LCP2: variants seen among roughly 807,000 people sequenced by gnomAD.
LCP2 encodes the protein lymphocyte cytosolic protein 2.
Under a neutral mutation model 74.5 loss-of-function variants are expected in LCP2, and 29 were observed. That is an observed-to-expected ratio of 0.39 (90% confidence interval 0.29 to 0.53). The LOEUF is 0.53. Ranked by LOEUF, LCP2 falls within the 20% of genes least tolerant of loss-of-function variation. The pLI is 0.72. For missense variants in LCP2, 604 were observed against 634.6 expected, an observed-to-expected ratio of 0.95 and a Z score of 0.52; for synonymous variants, 228 against 229.5, an observed-to-expected ratio of 0.99 and a Z score of 0.06.
chr5:170,281,341 A>G (rs537599887), intron 3 of LCP2, among the ~76,000 whole-genome samples: 31 of 151,846 alleles, frequency 2.0e-4, no homozygotes, highest in African/African-American at 2.4e-4. Context: ...GTGCAGTGCC[A>G]CGATCTTGGC....
chr5:170,271,010 C>G, intron 6 of LCP2, 93 bp from the exon 7 acceptor site: 1 of 1,143,330 alleles, frequency 8.7e-7, no homozygotes, highest in Non-Finnish European at 1.2e-6. Context: ...AGCCTCACAA[C>G]AGTATAACCC....
At chr5:170,272,597 C>CTTTTTTTTTT (rs61463939) in intron 6 of LCP2, among the ~76,000 whole-genome samples, 490 of 40,350 alleles carry the variant, frequency 0.012, 133 homozygotes, top group Non-Finnish European at 0.015. Context: ...CAAATATTTT[C>CTTTTTTTTTT]TTTTTTTTTT....
At chr5:170,289,108 G>A (rs1762233672) in intron 2 of LCP2, among the ~76,000 whole-genome samples, 2 of 152,178 alleles carry the variant, frequency 1.3e-5, no homozygotes, top group African/African-American at 4.8e-5. Flanking sequence ...TTGCCTCTCT[G>A]AGCCTCAGTT....
At chr5:170,276,502 C>T (rs796874373) in intron 3 of LCP2, among the ~76,000 whole-genome samples, 2 of 152,306 alleles carry the variant, frequency 1.3e-5, no homozygotes, top group African/African-American at 4.8e-5. Flanking sequence ...CCCTGAATCA[C>T]TCATGCCCTT....
Position 170,268,880 on chromosome 5 carries a change from C to CATATAT in LCP2, c.524-399_524-398insATATAT, listed in dbSNP as rs1554140441. On this transcript the variant is annotated intron_variant, in intron 7 of 20. Coordinates refer to ENST00000046794, the MANE Select transcript of LCP2 (RefSeq NM_005565.5). ...ACAGATATACACATGTGCACACATGCATGCACACACATGCATATATATGCA... is the reference window on the plus strand; with the variant it reads ...ACAGATATACACATGTGCACACATGCATATATATGCACACACATGCATATATATGCA... Among the ~76,000 whole-genome samples, 451 of 55,910 alleles carry CATATAT rather than the reference C, an allele frequency of 8.1e-3. 4 individuals are homozygous for CATATAT. The highest frequency in any genetic ancestry group is 0.02 in the African/African-American group (431 of 21,880). 36.7% of individuals were successfully genotyped at this position (55,910 alleles called of 152,430 possible). A position where few individuals can be genotyped will look rare whatever the true frequency, so the allele number is the denominator to read the frequency against.
At chr5:170,289,671 T>TTCTTTTTCTCTCTC (rs1554141414) in intron 2 of LCP2, among the ~76,000 whole-genome samples, 3 of 84,052 alleles carry the variant, frequency 3.6e-5, no homozygotes, top group African/African-American at 1.3e-4. Context: ...CTTTCTTTCT[T>TTCTTTTTCTCTCTC]TCTCTCTCTC....
chr5:170,258,312 G>A, intron 15 of LCP2, 146 bp from the exon 16 acceptor site: 1 of 767,696 alleles, frequency 1.3e-6, no homozygotes, highest in Non-Finnish European at 2.1e-6. Context: ...GAAGTAGTAG[G>A]ATGGAACCTT....
At chr5:170,252,989 CT>C (rs1289793253) in intron 18 of LCP2, 129 bp downstream of exon 18, 20 of 635,214 alleles carry the variant, frequency 3.1e-5, no homozygotes, top group Admixed American at 6.3e-5. Flanking sequence ...TCTCCTTTAA[CT>C]TTTTTTTCAA....
chr5:170,267,152 C>G lies in LCP2; in HGVS notation c.622-77G>C, dbSNP rs55879143. On this transcript the variant is annotated intron_variant, in intron 8 of 20. Coordinates refer to ENST00000046794, the MANE Select transcript of LCP2 (RefSeq NM_005565.5). Reference sequence around the variant, plus strand: ...CGGCACTCCCAAAACCTGTCTGGATCTGCTCACTTTTCCTCATCTTCATGT... The same window carrying G: ...CGGCACTCCCAAAACCTGTCTGGATGTGCTCACTTTTCCTCATCTTCATGT... 527 of 1,417,242 alleles carry G rather than the reference C, an allele frequency of 3.7e-4. 2 individuals carry two copies. The East Asian group carries it at 0.012, about 32-fold the overall frequency. 87.8% of individuals were successfully genotyped at this position (1,417,242 alleles called of 1,614,324 possible).
chr5:170,253,254 C>G, intron 17 of LCP2, 41 bp from the exon 18 acceptor site: 1 of 1,334,850 alleles, frequency 7.5e-7, no homozygotes, highest in Non-Finnish European at 1.0e-6. Context: ...TTACTGTAAG[C>G]TATTGTTTGC....
At chr5:170,291,960 A>T (rs1389533974) in intron 2 of LCP2, among the ~76,000 whole-genome samples, 1 of 152,254 alleles carries the variant, frequency 6.6e-6, no homozygotes, top group Non-Finnish European at 1.5e-5. Flanking sequence ...GTCAAATGGT[A>T]TCAGACTAAA....
chr5:170,253,448 A>G (rs1761491190), intron 17 of LCP2, among the ~76,000 whole-genome samples: 1 of 152,254 alleles, frequency 6.6e-6, no homozygotes, highest in African/African-American at 2.4e-5. Context: ...GAGAACCTCA[A>G]CTTTGAGTGA....
chr5:170,255,186 G>A (rs1249061206), intron 17 of LCP2, among the ~76,000 whole-genome samples: 1 of 152,206 alleles, frequency 6.6e-6, no homozygotes, highest in East Asian at 1.9e-4. Context: ...GCGAGAAACT[G>A]TGAAAACCAT....
At chr5:170,266,169 G>C (rs1761751442) in intron 10 of LCP2, among the ~76,000 whole-genome samples, 1 of 152,300 alleles carries the variant, frequency 6.6e-6, no homozygotes, top group Middle Eastern at 3.4e-3. Flanking sequence ...GAAAATAGCT[G>C]CACGTGAAGG....
At chr5:170,288,953 C>A (rs1219254401) in intron 2 of LCP2, among the ~76,000 whole-genome samples, 1 of 152,142 alleles carries the variant, frequency 6.6e-6, no homozygotes, top group Non-Finnish European at 1.5e-5. Flanking sequence ...TCCATAGAAC[C>A]AATGATGAGC....
chr5:170,268,437 G>A lies in LCP2; in HGVS notation c.569C>T (p.Pro190Leu), dbSNP rs779018199. 8.5e-6 allele frequency: 4 copies of A among 470,646 alleles called. No individual in the cohort carries two copies. The highest frequency in any genetic ancestry group is 1.2e-5 in the Non-Finnish European group (4 of 321,296). 29.2% of individuals were successfully genotyped at this position (470,646 alleles called of 1,614,324 possible). Residue 190 changes from proline to leucine, a missense_variant, in exon 8 of 21, where the codon CCC (proline) becomes CTC (leucine). By Grantham distance (98) the Pro-to-Leu change is moderately conservative. Transcript: ENST00000046794. ...GKTPQQPPVP[P>L]QRPMAALPPP... ...CGGGAGGGCGGCCATCGGTCTCTGG[G>A]GGGGCACAGGAGGCTGCTGGGGGGT...
intron 2 of LCP2, among the ~76,000 whole-genome samples, chr5:170,289,204 ATG>A (rs1260512988): frequency 6.6e-6 from 1 of 152,176 alleles, no homozygotes; most frequent in African/African-American, 2.4e-5. Flanking sequence ...GATGTATGTA[ATG>A]TGTTTTGGCA....
At position 170,260,341 on chromosome 5, in the gene LCP2, G is replaced by A. The variant is rs138088288; in HGVS notation, c.957+766C>T. Among the ~76,000 whole-genome samples, 367 of 152,320 alleles carry A rather than the reference G, an allele frequency of 2.4e-3. 1 individual carries two copies. The highest frequency in any genetic ancestry group is 2.0e-3 in the Non-Finnish European group (136 of 68,022). ...TAGCACAGAGCTGCAAAAATAGCAGGCGCTTTTGGGCTGAGCCCTTGAATG... is the reference window on the plus strand; with the variant it reads ...TAGCACAGAGCTGCAAAAATAGCAGACGCTTTTGGGCTGAGCCCTTGAATG... On this transcript the variant is annotated intron_variant, in intron 14 of 20. Transcript: ENST00000046794.
chr5:170,289,591 TTTTCTTTC>T (rs147406658), intron 2 of LCP2, among the ~76,000 whole-genome samples: 7 of 149,838 alleles, frequency 4.7e-5, no homozygotes, highest in Admixed American at 2.0e-4. Flanking sequence ...TAACTACTCC[TTTTCTTTC>T]TTTCTTTCTT....
Sources: allele counts gnomAD v4.1 joint callset (sites outside exome capture counted in the v4.1 genomes callset), GRCh38; gene constraint gnomAD v4.1.1; transcripts MANE v1.5; gene names NCBI Gene and HGNC (gene_info 2026-07-23, HGNC 2026-07-21).